MAF: variants seen among roughly 807,000 people sequenced by gnomAD.
MAF encodes the protein MAF bZIP transcription factor.
MAF carries 10 observed loss-of-function variants against 22.0 expected under a neutral mutation model. The ratio of observed to expected loss-of-function variants is 0.45; its 90% CI spans 0.28 to 0.77. The LOEUF is 0.77. Ranked by LOEUF, MAF falls within the 30% of genes least tolerant of loss-of-function variation. The pLI is 0.12. For missense variants in MAF, 544 were observed against 548.4 expected (o/e 0.99, Z 0.08); for synonymous variants, 337 against 255.8 (o/e 1.32, Z -3.03).
the MAF span, chr16:79,505,462 C>T: frequency 4.6e-5 from 7 of 152,164 alleles, no homozygotes; most frequent in Admixed American, 4.6e-4. Flanking sequence ...ATAAAAAGGC[C>T]ACAGAAAAGG....
chr16:79,444,406 G>C, the MAF span, among the ~76,000 whole-genome samples: 2 of 152,244 alleles, frequency 1.3e-5, no homozygotes, highest in Admixed American at 1.3e-4. Context: ...TTTATAGTCG[G>C]ACAGGTACAT....
At chr16:79,463,471 A>G in the MAF span, among the ~76,000 whole-genome samples, 1 of 152,204 alleles carries the variant, frequency 6.6e-6, no homozygotes, top group African/African-American at 2.4e-5. Flanking sequence ...TCTCATATAA[A>G]CTGTGGCAAA....
At chr16:79,424,998 T>C in the MAF span, among the ~76,000 whole-genome samples, 207 of 152,228 alleles carry the variant, frequency 1.4e-3, no homozygotes, top group African/African-American at 4.8e-3. Flanking sequence ...ACTCTGATGC[T>C]CTTTGCTTAG....
chr16:79,303,579 C>T, the MAF span, among the ~76,000 whole-genome samples: 1 of 152,302 alleles, frequency 6.6e-6, no homozygotes, highest in African/African-American at 2.4e-5. Context: ...CTTCCAAAGG[C>T]TGTTGGCCAA....
At chr16:79,497,456 T>C in the MAF span, among the ~76,000 whole-genome samples, 5 of 152,200 alleles carry the variant, frequency 3.3e-5, no homozygotes, top group Admixed American at 2.6e-4. Flanking sequence ...CTATGTACAG[T>C]TGTGCTGGCT....
chr16:79,581,822 A>C (rs1002274253), downstream of MAF, among the ~76,000 whole-genome samples: 3 of 152,134 alleles, frequency 2.0e-5, no homozygotes, highest in African/African-American at 7.2e-5. Flanking sequence ...TTACGTGTTA[A>C]TGTCATTCCG....
the MAF span, among the ~76,000 whole-genome samples, chr16:79,416,639 G>T: frequency 6.6e-6 from 1 of 152,152 alleles, no homozygotes; most frequent in South Asian, 2.1e-4. Context: ...AAGGAAAGAC[G>T]TGACTCAGAT....
the MAF span, among the ~76,000 whole-genome samples, chr16:79,235,018 A>G: frequency 6.6e-6 from 1 of 152,164 alleles, no homozygotes; most frequent in African/African-American, 2.4e-5. Flanking sequence ...GACTTAATTC[A>G]TAGCCTGGAG....
the MAF span, among the ~76,000 whole-genome samples, chr16:79,245,917 T>G: frequency 7.2e-5 from 11 of 152,002 alleles, no homozygotes; most frequent in Non-Finnish European, 1.5e-4. Flanking sequence ...GGGACATGGA[T>G]GAAGCTGAAA....
the MAF span, among the ~76,000 whole-genome samples, chr16:79,568,357 C>T: frequency 6.6e-6 from 1 of 152,196 alleles, no homozygotes; most frequent in African/African-American, 2.4e-5. Flanking sequence ...GTGTTGGAAT[C>T]AGACAGACCT....
chr16:79,526,043 G>C, the MAF span, among the ~76,000 whole-genome samples: 2 of 152,138 alleles, frequency 1.3e-5, no homozygotes, highest in African/African-American at 4.8e-5. Flanking sequence ...GTAAGAATAA[G>C]GTGAAATGAT....
chr16:79,256,995 G>C, the MAF span, among the ~76,000 whole-genome samples: 51 of 152,108 alleles, frequency 3.4e-4, no homozygotes, highest in Non-Finnish European at 6.8e-4. Context: ...TGGCCAACAT[G>C]ATGAAACCCC....
chr16:79,545,952 T>A, the MAF span, among the ~76,000 whole-genome samples: 2 of 152,176 alleles, frequency 1.3e-5, no homozygotes, highest in African/African-American at 4.8e-5. Flanking sequence ...ATTTGCTTGA[T>A]TTAATTAATC....
the MAF span, among the ~76,000 whole-genome samples, chr16:79,446,214 G>C: frequency 6.6e-6 from 1 of 152,206 alleles, no homozygotes; most frequent in South Asian, 2.1e-4. Context: ...TCCTCTGGGA[G>C]AGGCACTGGG....
At chr16:79,269,579 C>T in the MAF span, among the ~76,000 whole-genome samples, 1 of 152,094 alleles carries the variant, frequency 6.6e-6, no homozygotes, top group Admixed American at 6.6e-5. Flanking sequence ...GTTCCCCTTG[C>T]AGAAATAAGG....
the MAF span, among the ~76,000 whole-genome samples, chr16:79,467,350 G>C: frequency 6.6e-6 from 1 of 152,160 alleles, no homozygotes; most frequent in African/African-American, 2.4e-5. Context: ...ATCTGCAAGG[G>C]GGCAGGCACG....
At chr16:79,220,042 G>A in the MAF span, among the ~76,000 whole-genome samples, 1 of 152,012 alleles carries the variant, frequency 6.6e-6, no homozygotes, top group African/African-American at 2.4e-5. Context: ...GATCACCTGA[G>A]GTCAGGAGTT....
At chr16:79,582,786 G>C (rs1200037421), downstream of MAF, among the ~76,000 whole-genome samples, 1 of 152,214 alleles carries the variant, frequency 6.6e-6, no homozygotes, top group Non-Finnish European at 1.5e-5. Flanking sequence ...ATTTGGGATA[G>C]ATGGGTCTCT....
the MAF span, among the ~76,000 whole-genome samples, chr16:79,384,353 G>A: frequency 2.0e-5 from 3 of 151,278 alleles, no homozygotes; most frequent in East Asian, 2.0e-4. Flanking sequence ...GCCAAGGCAG[G>A]AGAATCGCCT....
Sources: allele counts gnomAD v4.1 joint callset (sites outside exome capture counted in the v4.1 genomes callset), GRCh38; gene constraint gnomAD v4.1.1; transcripts MANE v1.5; gene names NCBI Gene and HGNC (gene_info 2026-07-23, HGNC 2026-07-21).